RAPGEF4: variants seen among roughly 807,000 people sequenced by gnomAD.
RAPGEF4 encodes the protein Rap guanine nucleotide exchange factor 4, also known as RAP guanine-nucleotide-exchange factor (GEF) 4.
In RAPGEF4, 66 loss-of-function variants were observed where a neutral mutation model predicts 147.9. The ratio of observed to expected loss-of-function variants is 0.45; its 90% CI spans 0.37 to 0.55. The LOEUF (loss-of-function observed/expected upper bound fraction) is 0.55. Among genes scored for constraint, RAPGEF4 ranks in the 20% least tolerant of loss-of-function variants. The probability of loss-of-function intolerance (pLI) is 0.00; values close to 1 mark genes in which losing one functional copy is unlikely to be tolerated. For missense variants in RAPGEF4, 1,071 were observed against 1,257.3 expected (o/e 0.85, Z 2.24); for synonymous variants, 419 against 442.7 (o/e 0.95, Z 0.67).
At chr2:172,827,125 A>G (rs1689755833) in intron 4 of RAPGEF4, among the ~76,000 whole-genome samples, 1 of 152,184 alleles carries the variant, frequency 6.6e-6, no homozygotes, top group South Asian at 2.1e-4. Context: ...CCTTATTAAT[A>G]AAGTGATCAT....
chr2:172,935,540 T>C (rs540793768), intron 6 of RAPGEF4, among the ~76,000 whole-genome samples: 7 of 152,340 alleles, frequency 4.6e-5, no homozygotes, highest in Admixed American at 2.0e-4. Flanking sequence ...CCCCCTTCGA[T>C]TGATGTACTC....
At chr2:172,910,231 C>T (rs905236014) in intron 4 of RAPGEF4, among the ~76,000 whole-genome samples, 1 of 152,214 alleles carries the variant, frequency 6.6e-6, no homozygotes, top group South Asian at 2.1e-4. Context: ...ACCTTGAAAA[C>T]CTAGAATCCT....
At chr2:172,948,352 A>G (rs955437119) in intron 6 of RAPGEF4, among the ~76,000 whole-genome samples, 15 of 152,206 alleles carry the variant, frequency 9.9e-5, no homozygotes, top group South Asian at 2.1e-4. Context: ...TGAAATTATA[A>G]GCACAATTTT....
At chr2:173,003,380 A>G (rs1291926698) in intron 17 of RAPGEF4, among the ~76,000 whole-genome samples, 3 of 152,044 alleles carry the variant, frequency 2.0e-5, no homozygotes. Context: ...TAGACGGGGG[A>G]ATCCAGGGTG....
chr2:172,958,086 A>G (rs992103159), intron 6 of RAPGEF4, among the ~76,000 whole-genome samples: 1 of 152,228 alleles, frequency 6.6e-6, no homozygotes, highest in Non-Finnish European at 1.5e-5. Flanking sequence ...GTCCAGAAGC[A>G]TGGGCATCTT....
chr2:172,751,894 C>T (rs1051672790), intron 1 of RAPGEF4, among the ~76,000 whole-genome samples: 1 of 152,072 alleles, frequency 6.6e-6, no homozygotes, highest in Non-Finnish European at 1.5e-5. Context: ...AGTAGCTTCA[C>T]AAAACAATGA....
intron 5 of RAPGEF4, 43 bp downstream of exon 5, chr2:172,917,917 T>C: frequency 6.5e-7 from 1 of 1,546,812 alleles, no homozygotes; most frequent in Non-Finnish European, 8.9e-7. Flanking sequence ...AAATTTGTCG[T>C]GTGGTATGTG....
chr2:173,026,765 T>C, intron 24 of RAPGEF4, 68 bp downstream of exon 24: 3 of 1,575,204 alleles, frequency 1.9e-6, no homozygotes, highest in Non-Finnish European at 2.6e-6. Context: ...CATTGCTTAG[T>C]TTGTAAGTGC....
intron 3 of RAPGEF4, among the ~76,000 whole-genome samples, chr2:172,806,004 ATAT>A (rs1207968787): frequency 2.1e-5 from 3 of 140,456 alleles, no homozygotes; most frequent in African/African-American, 5.3e-5. Context: ...ATTGTATCAG[ATAT>A]TATCCGGCTG....
rs749944335 is a variant in RAPGEF4 at position 172,736,059 on chromosome 2, G to C, written c.65+11G>C. On this transcript the variant is annotated intron_variant, in intron 1 of 30. Transcript: ENST00000397081. ...CTGCCTGGATAAAAGGTAGCTCGCC[G>C]GGGGCCGCAGCCGGGGGCCGAGCTC... The C allele has an allele frequency of 2.8e-5, 40 of 1,416,746 alleles. No individual in the cohort carries two copies. Among genetic ancestry groups the C allele is most frequent in the East Asian group, 6.5e-5 (2 of 30,818 alleles). The allele number at this position is 1,416,746 out of a possible 1,614,324, so 87.8% of individuals were successfully genotyped here.
At chr2:172,914,843 G>A (rs924688351) in intron 4 of RAPGEF4, among the ~76,000 whole-genome samples, 39 of 152,284 alleles carry the variant, frequency 2.6e-4, no homozygotes, top group African/African-American at 8.9e-4. Context: ...ATATTGCGCT[G>A]TAGTTTTTAT....
intron 4 of RAPGEF4, among the ~76,000 whole-genome samples, chr2:172,869,775 G>A (rs956083281): frequency 1.2e-4 from 18 of 152,234 alleles, no homozygotes; most frequent in African/African-American, 3.4e-4. Context: ...TCTCACATAC[G>A]CATTTGGAGG....
At chr2:173,033,791 C>T (rs1294957800) in intron 26 of RAPGEF4, 123 bp from the exon 27 acceptor site, 1 of 846,442 alleles carries the variant, frequency 1.2e-6, no homozygotes, top group Admixed American at 2.7e-5. Flanking sequence ...ACAGTCTGGC[C>T]TGTCTCAGAG....
intron 1 of RAPGEF4, chr2:172,744,393 T>A (rs1694584819): frequency 2.2e-6 from 1 of 456,422 alleles, no homozygotes; most frequent in Non-Finnish European, 4.4e-6. Context: ...CAAATGAGAT[T>A]CCCAGTGCCT....
At chr2:172,777,643 T>C (rs1863172) in intron 1 of RAPGEF4, among the ~76,000 whole-genome samples, 136,763 of 152,146 alleles carry the variant, frequency 0.9, 62,836 homozygotes, top group East Asian at 1. Flanking sequence ...CTCACGTCAC[T>C]GCACATTCCA....
intron 4 of RAPGEF4, among the ~76,000 whole-genome samples, chr2:172,906,188 T>G (rs1482628310): frequency 6.6e-6 from 1 of 152,208 alleles, no homozygotes; most frequent in Non-Finnish European, 1.5e-5. Context: ...TACTGTCTAA[T>G]CATGAGGCTT....
chr2:172,753,875 TACACACACAC>T (rs58877556), intron 1 of RAPGEF4, among the ~76,000 whole-genome samples: 1 of 146,470 alleles, frequency 6.8e-6, no homozygotes, highest in African/African-American at 2.5e-5. Context: ...ACAGTGTATG[TACACACACAC>T]ACACACACAC....
intron 23 of RAPGEF4, among the ~76,000 whole-genome samples, chr2:173,024,219 T>A (rs1328111784): frequency 2.1e-4 from 2 of 9,642 alleles, no homozygotes; most frequent in Admixed American, 1.5e-3. Context: ...TTTTTTATTA[T>A]TTTTTTTTTT....
At position 173,017,169 on chromosome 2, in the gene RAPGEF4, C is replaced by T. The variant is rs368231148; in HGVS notation, c.1899-5C>T. 1.4e-4 allele frequency: 222 copies of T among 1,612,766 alleles called. 5 individuals carry two copies. In the South Asian group the frequency reaches 2.0e-3, roughly 14 times the overall value. On this transcript the variant is annotated splice_region_variant and splice_polypyrimidine_tract_variant and intron_variant, in intron 19 of 30. Coordinates refer to ENST00000397081, the MANE Select transcript of RAPGEF4 (RefSeq NM_007023.4). ...TAAATAATGTGCTTTCTCTACTTCT[C>T]GTAGCTCAGAAGATGCAAAGGCACC...
Sources: allele counts gnomAD v4.1 joint callset (sites outside exome capture counted in the v4.1 genomes callset), GRCh38; gene constraint gnomAD v4.1.1; transcripts MANE v1.5; gene names NCBI Gene and HGNC (gene_info 2026-07-23, HGNC 2026-07-21).